Variants in OSBPL2 observed in about 807,000 individuals in gnomAD.
OSBPL2 encodes oxysterol-binding protein-related protein 2.
A neutral mutation model predicts 58.4 loss-of-function variants in OSBPL2; 18 were observed. The observed-to-expected ratio is 0.31, with a 90% confidence interval of 0.21 to 0.46. The LOEUF is 0.46. OSBPL2 is among the 20% of genes least tolerant of loss of function. OSBPL2 has a pLI of 1.00. For synonymous variants in OSBPL2, 221 were observed against 234.1 expected (o/e 0.94, Z 0.51); for missense variants, 461 against 616.5 (o/e 0.75, Z 2.67).
In OSBPL2 at chr20:62,296,049, C is replaced by T. The variant is rs766438353; in HGVS notation, c.*2162C>T. ...GCTGATGGCAAAAGCGGCTGTGTGT[C>T]GAGGTTATTTTAACTTTTTACTACT... On this transcript the variant is annotated 3_prime_UTR_variant, in exon 14 of 14. Transcript: ENST00000313733. 2 of 152,186 alleles carry T rather than the reference C, an allele frequency of 1.3e-5. No individual in the cohort carries two copies. Among genetic ancestry groups the T allele is most frequent in the Non-Finnish European group, 2.9e-5 (2 of 68,036 alleles). The allele number at this position is 152,186 out of a possible 1,614,324, so 9.4% of individuals were successfully genotyped here.
intron 3 of OSBPL2, among the ~76,000 whole-genome samples, chr20:62,260,523 C>T (rs1981227909): frequency 6.6e-6 from 1 of 152,190 alleles, no homozygotes; most frequent in Admixed American, 6.5e-5. Context: ...CATGGGCGGC[C>T]AAGTTCATCC....
chr20:62,239,859 G>C (rs1225654972), intron 1 of OSBPL2, among the ~76,000 whole-genome samples: 1 of 152,162 alleles, frequency 6.6e-6, no homozygotes, highest in Non-Finnish European at 1.5e-5. Flanking sequence ...TCATTTTCTT[G>C]TTTTATGTTT....
At chr20:62,272,011 G>T in intron 4 of OSBPL2, 114 bp from the exon 5 acceptor site, 1 of 1,303,956 alleles carries the variant, frequency 7.7e-7, no homozygotes, top group Non-Finnish European at 1.1e-6. Flanking sequence ...TTGAAGATCC[G>T]GTTCAACCCC....
At chr20:62,276,681 G>A (rs1418742734) in intron 6 of OSBPL2, among the ~76,000 whole-genome samples, 4 of 152,304 alleles carry the variant, frequency 2.6e-5, no homozygotes, top group Non-Finnish European at 4.4e-5. Context: ...GGCAACTGTC[G>A]GTCTTGGCAC....
chr20:62,291,243 A>T, intron 12 of OSBPL2: 1 of 140,724 alleles, frequency 7.1e-6, no homozygotes, highest in South Asian at 7.6e-5. Context: ...CTTTGTATTC[A>T]GAATGTGTGC....
intron 1 of OSBPL2, among the ~76,000 whole-genome samples, chr20:62,248,692 A>ATTTG (rs960024062): frequency 1.3e-5 from 2 of 151,090 alleles, no homozygotes; most frequent in African/African-American, 2.4e-5. Flanking sequence ...TTATTTATTT[A>ATTTG]TTTATTTATT....
intron 1 of OSBPL2, among the ~76,000 whole-genome samples, chr20:62,250,329 A>C (rs1221968752): frequency 6.6e-6 from 1 of 152,336 alleles, no homozygotes; most frequent in East Asian, 1.9e-4. Flanking sequence ...CAACTCCTTC[A>C]GGAGCGACCG....
At position 62,279,201 on chromosome 20, in the gene OSBPL2, A is replaced by C; in HGVS notation, c.536A>C (p.His179Pro). ...TTTATATCGGAACAGGTCAGTCACC[A>C]CCCCCCCATCAGTGCGTTCCACTCG... ...FRFISEQVSH[H>P]PPISAFHSEG... is the part of the protein sequence containing the mutation. Residue 179 changes from histidine to proline, a missense_variant, in exon 7 of 14, where the codon CAC becomes CCC. Coordinates refer to ENST00000313733, the MANE Select transcript of OSBPL2 (RefSeq NM_144498.4). 1 of 1,612,920 alleles carries C rather than the reference A, an allele frequency of 6.2e-7. No homozygotes were observed. The highest frequency in any genetic ancestry group is 8.5e-7 in the Non-Finnish European group (1 of 1,179,626).
At chr20:62,261,316 C>CA (rs11484468) in intron 3 of OSBPL2, among the ~76,000 whole-genome samples, 40,127 of 85,386 alleles carry the variant, frequency 0.47, 8,460 homozygotes, top group East Asian at 0.55. Context: ...ACTCCATCTC[C>CA]AAAAAAAAAA....
chr20:62,275,119 C>T (rs1982305448), intron 6 of OSBPL2, among the ~76,000 whole-genome samples: 1 of 152,246 alleles, frequency 6.6e-6, no homozygotes, highest in South Asian at 2.1e-4. Flanking sequence ...GAGGCAGGAG[C>T]ATCACTTGAG....
chr20:62,251,558 G>T (rs1320003914), intron 1 of OSBPL2, among the ~76,000 whole-genome samples: 3 of 151,892 alleles, frequency 2.0e-5, no homozygotes, highest in Non-Finnish European at 4.4e-5. Flanking sequence ...ACAGGCATGC[G>T]CCACCATGTC....
At chr20:62,251,305 T>C (rs1259132493) in intron 1 of OSBPL2, among the ~76,000 whole-genome samples, 1 of 151,886 alleles carries the variant, frequency 6.6e-6, no homozygotes, top group African/African-American at 2.4e-5. Context: ...CCACCCGCCT[T>C]GGCCTCGCAA....
rs139386621 is a variant in OSBPL2 at position 62,279,208 on chromosome 20, C to G, written c.543C>G (p.Pro181=). Residue 181 remains proline, a synonymous_variant, in exon 7 of 14, where the codon CCC becomes CCG. Coordinates refer to ENST00000313733, the MANE Select transcript of OSBPL2 (RefSeq NM_144498.4). ...FISEQVSHHP[P]ISAFHSEGLN... is the part of the protein sequence containing the mutation. The stretch of plus-strand genomic sequence containing the variant: ...CGGAACAGGTCAGTCACCACCCCCC[C>G]ATCAGTGCGTTCCACTCGGAAGGTC... 250 of 1,614,182 alleles carry G rather than the reference C, an allele frequency of 1.5e-4. No homozygotes were observed. The African/African-American group carries it at 3.0e-3, about 20-fold the overall frequency.
intron 1 of OSBPL2, among the ~76,000 whole-genome samples, chr20:62,244,601 G>A (rs1239048696): frequency 6.6e-6 from 1 of 152,264 alleles, no homozygotes; most frequent in Non-Finnish European, 1.5e-5. Context: ...TTCATCTTGT[G>A]TGTTTGGAAA....
intron 7 of OSBPL2, chr20:62,280,208 C>A: frequency 1.1e-6 from 1 of 937,226 alleles, no homozygotes; most frequent in Non-Finnish European, 1.5e-6. Context: ...ATAAACGACA[C>A]CTTGCCTGAT....
Position 62,295,388 on chromosome 20 carries a change from C to T in OSBPL2, c.*1501C>T, listed in dbSNP as rs1390505552. 6.6e-6 allele frequency: 1 copy of T among 152,258 alleles called. No individual in the cohort carries two copies. The highest frequency in any genetic ancestry group is 1.5e-5 in the Non-Finnish European group (1 of 68,044). 9.4% of individuals were successfully genotyped at this position (152,258 alleles called of 1,614,324 possible). On this transcript the variant is annotated 3_prime_UTR_variant, in exon 14 of 14. Coordinates refer to ENST00000313733, the MANE Select transcript of OSBPL2 (RefSeq NM_144498.4). This position sits in a 1 kb window ranked among gnomAD's most constrained non-coding sequence, Gnocchi z 4.8. ...GCGGTTGCATGGAGTCCAGGTTACTCAGGCCGGCACTTCTGAGTGACAGGT... is the reference window on the plus strand; with the variant it reads ...GCGGTTGCATGGAGTCCAGGTTACTTAGGCCGGCACTTCTGAGTGACAGGT...
chr20:62,280,679 A>G (rs1344017083), intron 7 of OSBPL2, among the ~76,000 whole-genome samples: 1 of 152,222 alleles, frequency 6.6e-6, no homozygotes, highest in Non-Finnish European at 1.5e-5. Flanking sequence ...ACCCCTCCAC[A>G]GCCATGTGCC....
chr20:62,248,411 C>T (rs1348325877), intron 1 of OSBPL2, among the ~76,000 whole-genome samples: 2 of 152,118 alleles, frequency 1.3e-5, no homozygotes, highest in African/African-American at 4.8e-5. Flanking sequence ...CCACCTCGGC[C>T]TCCCAAAGTG....
At chr20:62,263,042 C>T (rs1981419229) in intron 3 of OSBPL2, among the ~76,000 whole-genome samples, 2 of 152,126 alleles carry the variant, frequency 1.3e-5, no homozygotes, top group African/African-American at 4.8e-5. Flanking sequence ...GAGACCAGGG[C>T]CCCGGGTCAG....
Sources: gnomAD v4.1 joint callset for allele counts (sites outside exome capture counted in the v4.1 genomes callset) on GRCh38, gnomAD v4.1.1 for gene constraint, Gnocchi (gnomAD v3.1) non-coding constraint, MANE v1.5 for transcripts, NCBI Gene and HGNC (gene_info 2026-07-23, HGNC 2026-07-21) for gene names.